XYLT1: variants seen among roughly 807,000 people sequenced by gnomAD.
XYLT1 encodes the protein xylosyltransferase 1.
Under a neutral mutation model 91.3 loss-of-function variants are expected in XYLT1, and 36 were observed. The ratio of observed to expected loss-of-function variants is 0.39; its 90% confidence interval spans 0.30 to 0.52. XYLT1 has a LOEUF of 0.52. Among genes scored for constraint, XYLT1 ranks in the 20% least tolerant of loss-of-function variants. XYLT1 has a pLI of 0.68. For synonymous variants in XYLT1, 588 were observed against 532.0 expected (o/e 1.11, Z -1.45); for missense variants, 1,242 against 1,284.5 (o/e 0.97, Z 0.51).
chr16:17,300,777 G>A (rs1217720832), intron 2 of XYLT1, among the ~76,000 whole-genome samples: 1 of 151,998 alleles, frequency 6.6e-6, no homozygotes, highest in Non-Finnish European at 1.5e-5. Context: ...CTATTAAAAA[G>A]AATGGGGGCC....
At chr16:17,415,041 G>C (rs759698492) in intron 1 of XYLT1, among the ~76,000 whole-genome samples, 6 of 152,038 alleles carry the variant, frequency 3.9e-5, no homozygotes, top group Admixed American at 2.0e-4. Flanking sequence ...CCACAGCCTG[G>C]GGTATAAACA....
chr16:17,294,433 T>C (rs2034281219), intron 2 of XYLT1, among the ~76,000 whole-genome samples: 1 of 152,138 alleles, frequency 6.6e-6, no homozygotes, highest in Non-Finnish European at 1.5e-5. Context: ...CTAAACACTA[T>C]TTTTATCGTC....
intron 7 of XYLT1, among the ~76,000 whole-genome samples, chr16:17,139,775 G>T (rs1231197079): frequency 2.0e-5 from 3 of 152,222 alleles, no homozygotes; most frequent in African/African-American, 7.2e-5. Context: ...TGAGAGAAGA[G>T]GTGATTGATT....
intron 10 of XYLT1, among the ~76,000 whole-genome samples, chr16:17,125,627 C>T (rs1213710542): frequency 6.6e-6 from 1 of 152,066 alleles, no homozygotes. Flanking sequence ...CTTAGAAAAG[C>T]CTTCCTAGAT....
rs1019250761 is a variant in XYLT1 at position 17,433,360 on chromosome 16, C to T, written c.363+37074G>A. ...TTGCCTCCAGATGGAGAAAGAAAATCTTAAGAAATGTTGAGCTATTGCAAC... is the reference window on the plus strand; with the variant it reads ...TTGCCTCCAGATGGAGAAAGAAAATTTTAAGAAATGTTGAGCTATTGCAAC... On this transcript the variant is annotated intron_variant, in intron 1 of 11. Coordinates refer to ENST00000261381, the MANE Select transcript of XYLT1 (RefSeq NM_022166.4). Among the ~76,000 whole-genome samples, 3 of 152,190 alleles carry T rather than the reference C, an allele frequency of 2.0e-5. No individual in the cohort carries two copies. In the South Asian group the frequency reaches 6.2e-4, roughly 31 times the overall value.
At chr16:17,466,472 ATC>A (rs942225460) in intron 1 of XYLT1, among the ~76,000 whole-genome samples, 1 of 152,196 alleles carries the variant, frequency 6.6e-6, no homozygotes, top group African/African-American at 2.4e-5. Context: ...ATGATGTCAA[ATC>A]TCTGCTTTAA....
chr16:17,232,109 G>A (rs1035453837), intron 3 of XYLT1, among the ~76,000 whole-genome samples: 2 of 142,596 alleles, frequency 1.4e-5, no homozygotes, highest in African/African-American at 2.6e-5. Context: ...ATATATAATC[G>A]ATAATTATAT....
intron 2 of XYLT1, among the ~76,000 whole-genome samples, chr16:17,336,020 C>T (rs759364120): frequency 2.0e-5 from 3 of 152,124 alleles, no homozygotes; most frequent in Non-Finnish European, 4.4e-5. Context: ...AAGTTGAGAC[C>T]TACGCTTTGC....
chr16:17,115,800 T>TAAAAAAAAAAAA (rs71137969), intron 11 of XYLT1, among the ~76,000 whole-genome samples: 1 of 50,316 alleles, frequency 2.0e-5, no homozygotes, highest in African/African-American at 7.2e-5. Flanking sequence ...TCTGTTATAT[T>TAAAAAAAAAAAA]AAAAAAAAAA....
Position 17,123,573 on chromosome 16 carries a change from G to C in XYLT1, c.2223+4093C>G, listed in dbSNP as rs148940017. 1.2e-4 allele frequency among the ~76,000 whole-genome samples: 19 copies of C among 152,300 alleles called. No individual in the cohort carries two copies. The East Asian group carries it at 3.7e-3, about 29-fold the overall frequency. The stretch of plus-strand genomic sequence containing the variant: ...ATTTTGATTTTCTTAAAATTGTTGA[G>C]ACTTGTTTTGTGGCCTATCATATGG... On this transcript the variant is annotated intron_variant, in intron 10 of 11. Coordinates refer to ENST00000261381, the MANE Select transcript of XYLT1 (RefSeq NM_022166.4).
At chr16:17,128,418 G>C (rs1333727968) in intron 9 of XYLT1, among the ~76,000 whole-genome samples, 1 of 152,144 alleles carries the variant, frequency 6.6e-6, no homozygotes, top group Non-Finnish European at 1.5e-5. Context: ...AGATTTGATA[G>C]AGCAAGTTCT....
At chr16:17,191,239 G>A (rs1051918681) in intron 5 of XYLT1, among the ~76,000 whole-genome samples, 1 of 152,200 alleles carries the variant, frequency 6.6e-6, no homozygotes, top group African/African-American at 2.4e-5. Flanking sequence ...AATGTACGAA[G>A]TGCTACATAT....
At chr16:17,218,086 C>T (rs2032894244) in intron 3 of XYLT1, among the ~76,000 whole-genome samples, 3 of 151,946 alleles carry the variant, frequency 2.0e-5, no homozygotes, top group Non-Finnish European at 2.9e-5. Context: ...GGTGAAACCT[C>T]ATCTCTACTA....
chr16:17,203,116 TCATGCCCTGAAC>T, intron 3 of XYLT1, among the ~76,000 whole-genome samples: 1 of 152,302 alleles, frequency 6.6e-6, no homozygotes, highest in East Asian at 1.9e-4. Context: ...ATTCCAAAGA[TCATGCCCTGAAC>T]CACTAATACA....
At chr16:17,287,208 A>G (rs1299667667) in intron 2 of XYLT1, among the ~76,000 whole-genome samples, 3 of 152,036 alleles carry the variant, frequency 2.0e-5, no homozygotes, top group African/African-American at 7.2e-5. Flanking sequence ...CTAGTTTTTC[A>G]TCATGTAGAT....
At chr16:17,254,137 A>G (rs1326835999) in intron 3 of XYLT1, among the ~76,000 whole-genome samples, 3 of 152,210 alleles carry the variant, frequency 2.0e-5, no homozygotes, top group African/African-American at 7.2e-5. Context: ...TGCACATATT[A>G]GCACAGGTGA....
rs146982202 is a variant in XYLT1 at position 17,314,758 on chromosome 16, T to C, written c.402+43254A>G. 3.5e-3 allele frequency among the ~76,000 whole-genome samples: 526 copies of C among 152,288 alleles called. 3 individuals are homozygous for C. The highest frequency in any genetic ancestry group is 6.9e-3 in the Admixed American group (105 of 15,294). On this transcript the variant is annotated intron_variant, in intron 2 of 11. Coordinates refer to ENST00000261381, the MANE Select transcript of XYLT1 (RefSeq NM_022166.4). ...CTAACAGAATAATTATGATTAACATTAGATGAGGCTCTGAGCTCCCTGGTG... is the reference window on the plus strand; with the variant it reads ...CTAACAGAATAATTATGATTAACATCAGATGAGGCTCTGAGCTCCCTGGTG...
intron 1 of XYLT1, among the ~76,000 whole-genome samples, chr16:17,436,800 A>G (rs1340708339): frequency 6.6e-6 from 1 of 152,230 alleles, no homozygotes; most frequent in African/African-American, 2.4e-5. Context: ...TTATTAAACT[A>G]GCATTTCTGT....
chr16:17,130,715 C>A (rs1279978301), intron 9 of XYLT1, among the ~76,000 whole-genome samples: 3 of 152,196 alleles, frequency 2.0e-5, no homozygotes, highest in African/African-American at 7.2e-5. Context: ...TGGGCCTCTG[C>A]AGGAGCTTCC....
Sources: gnomAD v4.1 joint callset for allele counts (sites outside exome capture counted in the v4.1 genomes callset) on GRCh38, gnomAD v4.1.1 for gene constraint, MANE v1.5 for transcripts, NCBI Gene and HGNC (gene_info 2026-07-23, HGNC 2026-07-21) for gene names.